HMCN1: variants seen among roughly 807,000 people sequenced by gnomAD.
HMCN1 encodes the protein hemicentin 1.
In HMCN1, 321 loss-of-function variants were observed where a neutral mutation model predicts 625.9. The observed-to-expected ratio is 0.51, with a 90% confidence interval of 0.47 to 0.56. The LOEUF (loss-of-function observed/expected upper bound fraction) is 0.56, where lower values mean the gene tolerates loss of function less well. HMCN1 is among the 20% of genes least tolerant of loss of function. The probability of loss-of-function intolerance (pLI) is 0.00; values close to 1 mark genes in which losing one functional copy is unlikely to be tolerated. For missense variants in HMCN1, 6,588 were observed against 6,887.3 expected (o/e 0.96, Z 1.54); for synonymous variants, 2,425 against 2,417.6 (o/e 1.00, Z -0.09).
At chr1:186,085,447 T>C (rs147354524) in intron 57 of HMCN1, among the ~76,000 whole-genome samples, 145 of 152,210 alleles carry the variant, frequency 9.5e-4, no homozygotes, top group African/African-American at 3.4e-3. Flanking sequence ...GAGCCAGTTC[T>C]CTGGTGGCTC....
At chr1:185,960,429 A>G (rs1033973718) in intron 11 of HMCN1, among the ~76,000 whole-genome samples, 2 of 152,074 alleles carry the variant, frequency 1.3e-5, no homozygotes, top group Non-Finnish European at 2.9e-5. Context: ...ATGCCCGGCA[A>G]TCAGCAGGAA....
intron 4 of HMCN1, among the ~76,000 whole-genome samples, chr1:185,907,706 T>C (rs1666174157): frequency 6.6e-6 from 1 of 151,930 alleles, no homozygotes; most frequent in Non-Finnish European, 1.5e-5. Flanking sequence ...ACTTCAGCAA[T>C]GGCTGAAACA....
intron 4 of HMCN1, 141 bp from the exon 5 acceptor site, chr1:185,909,195 TC>T: frequency 1.5e-6 from 1 of 651,796 alleles, no homozygotes; most frequent in Non-Finnish European, 2.7e-6. Flanking sequence ...AAGAGTCCTA[TC>T]TTCAGTAATG....
intron 1 of HMCN1, among the ~76,000 whole-genome samples, chr1:185,826,899 A>C (rs1462528925): frequency 6.6e-6 from 1 of 152,132 alleles, no homozygotes; most frequent in Non-Finnish European, 1.5e-5. Flanking sequence ...GATACCAAAA[A>C]GGATTAGCCT....
At position 185,987,564 on chromosome 1, in the gene HMCN1, A is replaced by G. The variant is rs764919722; in HGVS notation, c.3048+20A>G. 1.9e-5 allele frequency: 29 copies of G among 1,498,346 alleles called. No homozygotes were observed. The highest frequency in any genetic ancestry group is 2.4e-5 in the Non-Finnish European group (26 of 1,074,620). The allele number at this position is 1,498,346 out of a possible 1,614,324, so 92.8% of individuals were successfully genotyped here. The stretch of plus-strand genomic sequence containing the variant: ...TCCAAGGTAAATGATACATCTAGTT[A>G]TATTTCCTGAAGAGCAGAGTGTGAA... On this transcript the variant is annotated intron_variant, in intron 20 of 106. Coordinates refer to ENST00000271588, the MANE Select transcript of HMCN1 (RefSeq NM_031935.3).
chr1:185,916,145 A>G (rs1411946580), intron 6 of HMCN1, among the ~76,000 whole-genome samples: 1 of 152,020 alleles, frequency 6.6e-6, no homozygotes, highest in South Asian at 2.1e-4. Context: ...CTCCAAATGC[A>G]TAATGCCCAA....
chr1:185,827,972 G>T (rs1022190590), intron 1 of HMCN1, among the ~76,000 whole-genome samples: 1 of 152,094 alleles, frequency 6.6e-6, no homozygotes, highest in Non-Finnish European at 1.5e-5. Flanking sequence ...TGTGACTCAA[G>T]AATTTTATAA....
intron 30 of HMCN1, 109 bp from the exon 31 acceptor site, chr1:186,015,050 T>A (rs1160527826): frequency 1.0e-6 from 1 of 962,060 alleles, no homozygotes; most frequent in Non-Finnish European, 1.6e-6. Context: ...GACTTCCTAA[T>A]TGTCTTTAAT....
At chr1:186,009,677 C>T (rs1653869968) in intron 30 of HMCN1, among the ~76,000 whole-genome samples, 1 of 151,558 alleles carries the variant, frequency 6.6e-6, no homozygotes, top group Non-Finnish European at 1.5e-5. Flanking sequence ...AGGAAAGAAA[C>T]TGAGACAAAA....
At chr1:185,881,459 GCTT>G (rs1664305389) in intron 4 of HMCN1, among the ~76,000 whole-genome samples, 1 of 152,254 alleles carries the variant, frequency 6.6e-6, no homozygotes, top group South Asian at 2.1e-4. Flanking sequence ...CCAGTATCCA[GCTT>G]CTTCTTCTCT....
At position 185,984,250 on chromosome 1, in the gene HMCN1, T is replaced by C; in HGVS notation, c.2872T>C (p.Tyr958His). ...ERVQLQDGGE[Y>H]TCVASNVAGT... ...AGTTCAGCTTCAGGATGGTGGTGAATATACTTGTGTGGCCAGTAACGTTGC... is the reference window on the plus strand; with the variant it reads ...AGTTCAGCTTCAGGATGGTGGTGAACATACTTGTGTGGCCAGTAACGTTGC... Residue 958 changes from tyrosine to histidine, a missense_variant, in exon 19 of 107, where the codon TAT becomes CAT. Around this residue, in one of 3 missense-constraint regions of HMCN1, gnomAD observed 4,628 missense variants for 4,853.1 expected, o/e 0.95. Coordinates refer to ENST00000271588, the MANE Select transcript of HMCN1 (RefSeq NM_031935.3). 4 of 1,613,906 alleles carry C rather than the reference T, an allele frequency of 2.5e-6. No individual in the cohort carries two copies. The highest frequency in any genetic ancestry group is 3.4e-6 in the Non-Finnish European group (4 of 1,179,828).
chr1:185,819,206 C>T (rs527702585), intron 1 of HMCN1, among the ~76,000 whole-genome samples: 72 of 149,596 alleles, frequency 4.8e-4, no homozygotes, highest in African/African-American at 1.7e-3. Flanking sequence ...CACTGCACTC[C>T]AGCCTGGGCA....
intron 97 of HMCN1, among the ~76,000 whole-genome samples, chr1:186,155,327 C>T (rs1422487923): frequency 6.6e-6 from 1 of 152,152 alleles, no homozygotes; most frequent in Non-Finnish European, 1.5e-5. Context: ...CCTCCACGCA[C>T]ACCATTGCCA....
At chr1:186,086,133 C>A in intron 57 of HMCN1, 113 bp from the exon 58 acceptor site, 2 of 950,482 alleles carry the variant, frequency 2.1e-6, no homozygotes, top group South Asian at 1.4e-5. Flanking sequence ...AGATAATGAA[C>A]AGAATCGTTA....
intron 16 of HMCN1, among the ~76,000 whole-genome samples, chr1:185,979,474 T>C (rs550548598): frequency 1.3e-5 from 2 of 152,202 alleles, no homozygotes; most frequent in Non-Finnish European, 2.9e-5. Flanking sequence ...GCTCAATATC[T>C]TGAGCAACAG....
intron 4 of HMCN1, among the ~76,000 whole-genome samples, chr1:185,900,514 AT>A (rs1665742685): frequency 6.6e-6 from 1 of 151,950 alleles, no homozygotes; most frequent in South Asian, 2.1e-4. Context: ...TCTATAAAGT[AT>A]TTCCCAATAA....
At chr1:186,142,451 T>C (rs1650031590) in intron 89 of HMCN1, among the ~76,000 whole-genome samples, 5 of 152,216 alleles carry the variant, frequency 3.3e-5, no homozygotes, top group African/African-American at 1.2e-4. Flanking sequence ...CTATTGTAAA[T>C]AGTGCTTAAT....
intron 46 of HMCN1, among the ~76,000 whole-genome samples, chr1:186,060,511 C>T (rs564578277): frequency 6.6e-6 from 1 of 152,126 alleles, no homozygotes; most frequent in East Asian, 1.9e-4. Context: ...TAGAGTTCTC[C>T]TCCAAATTAC....
At chr1:185,959,088 G>C (rs966090085) in intron 11 of HMCN1, among the ~76,000 whole-genome samples, 4 of 152,154 alleles carry the variant, frequency 2.6e-5, no homozygotes, top group Non-Finnish European at 5.9e-5. Context: ...ATTTGCCCAA[G>C]TACTCTAAAT....
Sources: allele counts gnomAD v4.1 joint callset (sites outside exome capture counted in the v4.1 genomes callset), GRCh38; gene constraint gnomAD v4.1.1; regional missense constraint gnomAD v4.1.1; transcripts MANE v1.5; gene names NCBI Gene and HGNC (gene_info 2026-07-23, HGNC 2026-07-21).